Variants in TTC28 observed in about 807,000 individuals in gnomAD.
TTC28 encodes tetratricopeptide repeat protein 28.
TTC28 carries 61 observed loss-of-function variants against 198.0 expected under a neutral mutation model. That is an observed-to-expected ratio of 0.31 (90% CI 0.25 to 0.38). TTC28 has a LOEUF of 0.38. Among genes scored for constraint, TTC28 ranks in the 10% least tolerant of loss-of-function variants. TTC28 has a pLI of 1.00. For missense variants in TTC28, 2,678 were observed against 3,164.0 expected (o/e 0.85, Z 3.69); for synonymous variants, 1,171 against 1,297.8 (o/e 0.90, Z 2.10).
chr22:28,476,520 T>C (rs910466978), intron 2 of TTC28, among the ~76,000 whole-genome samples: 1 of 152,196 alleles, frequency 6.6e-6, no homozygotes, highest in South Asian at 2.1e-4. Context: ...TTTTAAAATA[T>C]TGCCAAACTA....
chr22:28,526,942 G>A (rs1391503020), intron 2 of TTC28, among the ~76,000 whole-genome samples: 1 of 151,890 alleles, frequency 6.6e-6, no homozygotes, highest in African/African-American at 2.4e-5. Context: ...TTTTTTAGTA[G>A]AGATAGGGTT....
At chr22:28,539,070 G>A (rs567555832) in intron 2 of TTC28, among the ~76,000 whole-genome samples, 4 of 152,284 alleles carry the variant, frequency 2.6e-5, no homozygotes, top group Non-Finnish European at 5.9e-5. Context: ...ACTGCCTGTT[G>A]ACAGGCCCAG....
Position 28,107,947 on chromosome 22 carries a change from TCTC to T in TTC28, c.1895_1897del (p.Gly632del), listed in dbSNP as rs1942365946. On this transcript the variant is annotated inframe_deletion, in exon 7 of 23. Transcript: ENST00000397906. ...GCCAAGATTGTGGCAGACCTTCCCT[TCTC>T]CTTCCATGTCTTGAAGGTCGGGAGC... The T allele has an allele frequency of 1.5e-5, 23 of 1,551,648 alleles. No individual in the cohort carries two copies. Among genetic ancestry groups the T allele is most frequent in the Non-Finnish European group, 1.9e-5 (22 of 1,146,992 alleles).
chr22:28,067,496 C>A (rs1022030687), intron 12 of TTC28, among the ~76,000 whole-genome samples: 4 of 152,100 alleles, frequency 2.6e-5, no homozygotes, highest in Non-Finnish European at 4.4e-5. Context: ...GGGGGGCAAG[C>A]AAACTTGGTG....
intron 5 of TTC28, among the ~76,000 whole-genome samples, chr22:28,295,960 G>A (rs1462951427): frequency 1.3e-5 from 2 of 152,098 alleles, no homozygotes; most frequent in Non-Finnish European, 1.5e-5. Flanking sequence ...ATCTGACAAA[G>A]CTGTTAGATC....
At chr22:28,609,862 G>A (rs2050790617) in intron 2 of TTC28, among the ~76,000 whole-genome samples, 1 of 152,186 alleles carries the variant, frequency 6.6e-6, no homozygotes, top group African/African-American at 2.4e-5. Context: ...TGCCAGCACA[G>A]CAGTCTGAGG....
intron 2 of TTC28, among the ~76,000 whole-genome samples, chr22:28,446,421 G>C (rs183775505): frequency 6.6e-6 from 1 of 152,272 alleles, no homozygotes; most frequent in African/African-American, 2.4e-5. Flanking sequence ...CAAATCTCAT[G>C]TTGAAATATA....
At chr22:28,425,238 A>T (rs1163446079) in intron 2 of TTC28, among the ~76,000 whole-genome samples, 2 of 152,230 alleles carry the variant, frequency 1.3e-5, no homozygotes, top group Admixed American at 6.5e-5. Flanking sequence ...ATTTAATGTA[A>T]CCTGTCAGAA....
intron 2 of TTC28, among the ~76,000 whole-genome samples, chr22:28,415,960 G>T (rs1015642381): frequency 6.6e-6 from 1 of 152,100 alleles, no homozygotes; most frequent in African/African-American, 2.4e-5. Context: ...TCAATAAAAA[G>T]TTTCAGAATG....
intron 2 of TTC28, among the ~76,000 whole-genome samples, chr22:28,618,631 G>C (rs1410815146): frequency 1.4e-5 from 2 of 147,968 alleles, no homozygotes; most frequent in Non-Finnish European, 3.0e-5. Context: ...GCAGTGAGCT[G>C]AGATCGTGCC....
intron 2 of TTC28, among the ~76,000 whole-genome samples, chr22:28,614,753 G>A (rs1046470267): frequency 3.3e-5 from 5 of 152,106 alleles, no homozygotes; most frequent in South Asian, 2.1e-4. Flanking sequence ...GCAAAAAACC[G>A]AAACTGGACC....
At chr22:28,393,758 C>T (rs868330556) in intron 2 of TTC28, among the ~76,000 whole-genome samples, 1 of 152,100 alleles carries the variant, frequency 6.6e-6, no homozygotes, top group African/African-American at 2.4e-5. Context: ...CATACGGGCT[C>T]TTCATTTTAT....
At chr22:28,198,855 G>A (rs1925622508) in intron 5 of TTC28, among the ~76,000 whole-genome samples, 1 of 152,106 alleles carries the variant, frequency 6.6e-6, no homozygotes, top group South Asian at 2.1e-4. Flanking sequence ...GCCAGGTCTA[G>A]AAGCAGCAAA....
chr22:28,071,748 G>GAAAAAAAAAAAAAAAAAAAA (rs371615737), intron 12 of TTC28, among the ~76,000 whole-genome samples: 4 of 91,146 alleles, frequency 4.4e-5, no homozygotes, highest in East Asian at 3.4e-4. Flanking sequence ...AAAAAAAAAG[G>GAAAAAAAAAAAAAAAAAAAA]AAAAAAAAAA....
At chr22:28,166,888 G>A (rs558484876) in intron 5 of TTC28, among the ~76,000 whole-genome samples, 15 of 151,234 alleles carry the variant, frequency 9.9e-5, no homozygotes, top group Admixed American at 2.6e-4. Flanking sequence ...CCAGGAGCTG[G>A]TTTTTGAAAA....
chr22:28,335,224 T>C (rs1456879653), intron 2 of TTC28, among the ~76,000 whole-genome samples: 1 of 152,254 alleles, frequency 6.6e-6, no homozygotes, highest in Non-Finnish European at 1.5e-5. Context: ...ATCTCTGTTT[T>C]GGTACCAGTA....
At chr22:28,579,810 A>C (rs1391647452) in intron 2 of TTC28, among the ~76,000 whole-genome samples, 1 of 152,038 alleles carries the variant, frequency 6.6e-6, no homozygotes, top group East Asian at 1.9e-4. Context: ...CTCTACCAAA[A>C]AATACAAAAA....
chr22:28,678,519 C>T (rs1401501948), intron 1 of TTC28, among the ~76,000 whole-genome samples: 1 of 152,218 alleles, frequency 6.6e-6, no homozygotes, highest in East Asian at 1.9e-4. Flanking sequence ...CCACCGCACC[C>T]GGCCTAGTGG....
intron 2 of TTC28, among the ~76,000 whole-genome samples, chr22:28,429,854 G>A (rs2047406167): frequency 6.6e-6 from 1 of 152,082 alleles, no homozygotes; most frequent in Admixed American, 6.6e-5. Flanking sequence ...AAATTTTAAA[G>A]TCTTCAGAGA....
Sources: allele counts gnomAD v4.1 joint callset (sites outside exome capture counted in the v4.1 genomes callset), GRCh38; gene constraint gnomAD v4.1.1; transcripts MANE v1.5; gene names NCBI Gene and HGNC (gene_info 2026-07-23, HGNC 2026-07-21).